Variants in TRPM8 observed in about 807,000 individuals in gnomAD.
TRPM8 encodes the protein TRPM8 cationic channel.
Under a neutral mutation model 133.7 loss-of-function variants are expected in TRPM8, and 110 were observed. The observed-to-expected ratio is 0.82, with a 90% CI of 0.70 to 0.96. The LOEUF (loss-of-function observed/expected upper bound fraction) is 0.96, where lower values mean the gene tolerates loss of function less well. Ranked by LOEUF, TRPM8 falls within the 40% of genes least tolerant of loss-of-function variation. TRPM8 has a pLI of 0.00. For missense variants in TRPM8, 1,291 were observed against 1,379.5 expected, an observed-to-expected ratio of 0.94 and a Z score of 1.02; for synonymous variants, 535 against 532.3, an observed-to-expected ratio of 1.01 and a Z score of -0.07.
chr2:233,922,233 ACT>A lies in TRPM8; in HGVS notation c.-5-4297_-5-4296del, dbSNP rs1219718965. ...TGTGCAAAAATAGCTGTGCTATGTG[ACT>A]CTGTTTTCAGAGCTTCACTTTTCCC... On this transcript the variant is annotated intron_variant, in intron 1 of 25. Transcript: ENST00000324695. Among the ~76,000 whole-genome samples, 7 of 151,746 alleles carry A rather than the reference ACT, an allele frequency of 4.6e-5. No individual in the cohort carries two copies. The East Asian group carries it at 5.8e-4, about 13-fold the overall frequency.
At chr2:233,920,855 ATTT>A (rs10685994) in intron 1 of TRPM8, among the ~76,000 whole-genome samples, 5 of 129,260 alleles carry the variant, frequency 3.9e-5, no homozygotes, top group Admixed American at 7.9e-5. Context: ...AGATTTCACC[ATTT>A]TTTTTTTTTT....
At chr2:233,966,536 G>A (rs1671133538) in intron 14 of TRPM8, 74 bp from the exon 15 acceptor site, 2 of 1,585,578 alleles carry the variant, frequency 1.3e-6, no homozygotes, top group Non-Finnish European at 1.7e-6. Context: ...GGGGTTGGCT[G>A]GGGGTGGAAG....
Position 233,982,988 on chromosome 2 carries a change from G to C in TRPM8, c.2590-65G>C, listed in dbSNP as rs528519931. 8 of 1,555,588 alleles carry C rather than the reference G, an allele frequency of 5.1e-6. No individual in the cohort carries two copies. The African/African-American group carries it at 1.1e-4, about 21-fold the overall frequency. On this transcript the variant is annotated intron_variant, in intron 19 of 25. Transcript: ENST00000324695. ...TCTCCATGGTCCACTGAGGACGGCCGGGCCGGGGGGACTTGCCAACTGTGG... is the reference window on the plus strand; with the variant it reads ...TCTCCATGGTCCACTGAGGACGGCCCGGCCGGGGGGACTTGCCAACTGTGG...
At chr2:233,918,100 T>A (rs1288104114) in intron 1 of TRPM8, among the ~76,000 whole-genome samples, 2 of 152,122 alleles carry the variant, frequency 1.3e-5, no homozygotes, top group African/African-American at 4.8e-5. Context: ...TTTTCAGTGT[T>A]AGGATTCTTG....
intron 4 of TRPM8, 46 bp from the exon 5 acceptor site, chr2:233,938,952 A>T: frequency 6.3e-7 from 1 of 1,593,024 alleles, no homozygotes; most frequent in Non-Finnish European, 8.6e-7. Flanking sequence ...CCCCGACCTC[A>T]GGAGAACACA....
chr2:233,942,071 CTTTTTTTTTT>C (rs796852025), intron 5 of TRPM8, among the ~76,000 whole-genome samples: 1 of 111,704 alleles, frequency 9.0e-6, no homozygotes, highest in Non-Finnish European at 1.7e-5. Context: ...GGTCAAGAAT[CTTTTTTTTTT>C]TTTTTTTTTT....
chr2:233,949,977 T>A lies in TRPM8; in HGVS notation c.971T>A (p.Ile324Asn). ...KAINTSIKNK[I>N]PCVVVEGSGQ... ...ATCAATACCTCCATCAAAAATAAAA[T>A]TCCTTGTGTGGTGGTGGAAGGCTCG... is the stretch of plus-strand genomic sequence containing the variant. The change falls in exon 9 of 26, where the codon ATT becomes AAT. Residue 324 changes from isoleucine (I) to asparagine (N), a missense_variant. By Grantham distance (149) the Ile-to-Asn change is moderately radical (BLOSUM62 -3). Transcript: ENST00000324695. The A allele has an allele frequency of 6.2e-7, 1 of 1,614,112 alleles. No homozygotes were observed.
chr2:233,980,916 G>A (rs1691990794), intron 18 of TRPM8, among the ~76,000 whole-genome samples: 1 of 152,108 alleles, frequency 6.6e-6, no homozygotes, highest in Non-Finnish European at 1.5e-5. Flanking sequence ...TAGCTTTTAA[G>A]ATAAAGCTAG....
At position 233,986,074 on chromosome 2, in the gene TRPM8, G is replaced by A. The variant is rs568591352; in HGVS notation, c.2939+209G>A. Among the ~76,000 whole-genome samples the A allele has an allele frequency of 2.0e-5, 3 of 152,358 alleles. No homozygotes were observed. In the East Asian group the frequency reaches 5.8e-4, roughly 29 times the overall value. On this transcript the variant is annotated intron_variant, in intron 21 of 25. Coordinates refer to ENST00000324695, the MANE Select transcript of TRPM8 (RefSeq NM_024080.5). ...TGCCTTGAGTTTATTTGACACTGAAGACAAGCACCTGTGACAATCTTCATC... is the reference window on the plus strand; with the variant it reads ...TGCCTTGAGTTTATTTGACACTGAAAACAAGCACCTGTGACAATCTTCATC...
At chr2:233,959,087 A>G (rs910107436) in intron 11 of TRPM8, among the ~76,000 whole-genome samples, 2 of 152,098 alleles carry the variant, frequency 1.3e-5, no homozygotes. Flanking sequence ...GTGCAATGGC[A>G]TGATCTCAGC....
intron 15 of TRPM8, among the ~76,000 whole-genome samples, chr2:233,967,823 T>A (rs1250900532): frequency 6.6e-6 from 1 of 152,020 alleles, no homozygotes; most frequent in Admixed American, 6.6e-5. Flanking sequence ...CTGGGGTGGC[T>A]TCCCAGGTGG....
intron 2 of TRPM8, among the ~76,000 whole-genome samples, chr2:233,927,387 C>T (rs1409733157): frequency 6.6e-6 from 1 of 152,202 alleles, no homozygotes; most frequent in East Asian, 1.9e-4. Flanking sequence ...TGCTCTCCCC[C>T]AGTTTGGGTC....
At chr2:233,988,563 T>A (rs1692204086) in intron 21 of TRPM8, among the ~76,000 whole-genome samples, 1 of 152,192 alleles carries the variant, frequency 6.6e-6, no homozygotes, top group South Asian at 2.1e-4. Flanking sequence ...GTGTATTATA[T>A]ACTGAGAAGC....
intron 20 of TRPM8, among the ~76,000 whole-genome samples, chr2:233,984,522 C>T (rs1251808984): frequency 6.6e-6 from 1 of 152,176 alleles, no homozygotes; most frequent in African/African-American, 2.4e-5. Context: ...AGATTTCATT[C>T]CCCTCTATTC....
chr2:233,950,018 G>A lies in TRPM8; in HGVS notation c.1012G>A (p.Val338Met). Residue 338 changes from valine to methionine, a missense_variant, in exon 9 of 26, where the codon GTG becomes ATG. Coordinates refer to ENST00000324695, the MANE Select transcript of TRPM8 (RefSeq NM_024080.5). ...GGAAGGCTCGGGCCAGATCGCTGATGTGATCGCTAGCCTGGTGGAGGTGGA... is the reference window on the plus strand; with the variant it reads ...GGAAGGCTCGGGCCAGATCGCTGATATGATCGCTAGCCTGGTGGAGGTGGA... Reference protein sequence around the residue: ...VVEGSGQIADVIASLVEVEDA... With the variant: ...VVEGSGQIADMIASLVEVEDA... 6 of 1,614,206 alleles carry A rather than the reference G, an allele frequency of 3.7e-6. No homozygotes were observed. Among genetic ancestry groups the A allele is most frequent in the Non-Finnish European group, 5.1e-6 (6 of 1,180,048 alleles).
chr2:233,925,323 G>T (rs2125034521), intron 1 of TRPM8, among the ~76,000 whole-genome samples: 1 of 152,288 alleles, frequency 6.6e-6, no homozygotes, highest in African/African-American at 2.4e-5. Flanking sequence ...AGTTAACAGG[G>T]GTCAAACAGA....
chr2:233,942,461 A>G (rs1197834345), intron 5 of TRPM8, 115 bp from the exon 6 acceptor site: 3 of 961,858 alleles, frequency 3.1e-6, no homozygotes, highest in Non-Finnish European at 5.0e-6. Context: ...CATAGCTGCC[A>G]GTGCTGTGTC....
chr2:234,000,849 T>C (rs897324568), intron 22 of TRPM8, among the ~76,000 whole-genome samples: 34 of 152,268 alleles, frequency 2.2e-4, no homozygotes, highest in African/African-American at 7.7e-4. Context: ...AGGCTGGTTT[T>C]TGTATTTTTA....
At chr2:234,012,563 A>T (rs1157323002) in intron 24 of TRPM8, among the ~76,000 whole-genome samples, 1 of 151,898 alleles carries the variant, frequency 6.6e-6, no homozygotes. Flanking sequence ...AGATAATTTT[A>T]CTTTCTTCTT....
Sources: allele counts gnomAD v4.1 joint callset (sites outside exome capture counted in the v4.1 genomes callset), GRCh38; gene constraint gnomAD v4.1.1; transcripts MANE v1.5; gene names NCBI Gene and HGNC (gene_info 2026-07-23, HGNC 2026-07-21).